CLSTN2: variants seen among roughly 807,000 people sequenced by gnomAD.
The protein encoded by CLSTN2 is calsyntenin-2.
Under a neutral mutation model 101.2 loss-of-function variants are expected in CLSTN2, and 48 were observed. The observed-to-expected ratio is 0.47, with a 90% CI of 0.38 to 0.60. The LOEUF (loss-of-function observed/expected upper bound fraction) is 0.60. Ranked by LOEUF, CLSTN2 falls within the 20% of genes least tolerant of loss-of-function variation. CLSTN2 has a pLI of 0.00. For missense variants in CLSTN2, 1,160 were observed against 1,238.2 expected (o/e 0.94, Z 0.95); for synonymous variants, 481 against 463.6 (o/e 1.04, Z -0.48).
chr3:140,127,881 GT>G (rs1350957009), intron 1 of CLSTN2, among the ~76,000 whole-genome samples: 1 of 152,074 alleles, frequency 6.6e-6, no homozygotes, highest in Non-Finnish European at 1.5e-5. Context: ...GAATTCTTGT[GT>G]TTCATACCAA....
chr3:140,205,178 C>G (rs1421587935), intron 2 of CLSTN2, among the ~76,000 whole-genome samples: 2 of 152,200 alleles, frequency 1.3e-5, no homozygotes, highest in African/African-American at 4.8e-5. Flanking sequence ...AAAGATCACA[C>G]AGCATCCAAA....
intron 12 of CLSTN2, 108 bp from the exon 13 acceptor site, chr3:140,562,030 G>A: frequency 3.2e-6 from 3 of 949,688 alleles, no homozygotes; most frequent in Non-Finnish European, 3.2e-6. Flanking sequence ...CTCTGCTCCT[G>A]ACCCAGCCTT....
intron 1 of CLSTN2, among the ~76,000 whole-genome samples, chr3:140,169,723 G>A (rs1243625055): frequency 6.6e-6 from 1 of 151,932 alleles, no homozygotes; most frequent in African/African-American, 2.4e-5. Flanking sequence ...ATCTCAATAT[G>A]TATGTTTTCT....
At chr3:139,987,789 G>T (rs916778490) in intron 1 of CLSTN2, among the ~76,000 whole-genome samples, 3 of 152,150 alleles carry the variant, frequency 2.0e-5, no homozygotes, top group African/African-American at 7.2e-5. Context: ...TACACCCAGA[G>T]GGTGATAGAT....
At chr3:139,999,852 T>C (rs1027001784) in intron 1 of CLSTN2, among the ~76,000 whole-genome samples, 1 of 152,044 alleles carries the variant, frequency 6.6e-6, no homozygotes, top group South Asian at 2.1e-4. Context: ...CTACTCAGGA[T>C]GCTGAGGTGG....
At chr3:140,174,470 GTCACT>G (rs2010290221) in intron 1 of CLSTN2, among the ~76,000 whole-genome samples, 1 of 152,122 alleles carries the variant, frequency 6.6e-6, no homozygotes, top group South Asian at 2.1e-4. Flanking sequence ...CAATTCCAAA[GTCACT>G]TCCACATTTT....
chr3:140,451,270 T>A (rs543655808), intron 6 of CLSTN2, among the ~76,000 whole-genome samples: 1 of 152,030 alleles, frequency 6.6e-6, no homozygotes, highest in South Asian at 2.1e-4. Flanking sequence ...AGATATGGAG[T>A]GTAATAAGGA....
intron 8 of CLSTN2, among the ~76,000 whole-genome samples, chr3:140,480,958 C>T (rs935687362): frequency 4.6e-5 from 7 of 152,112 alleles, no homozygotes; most frequent in Non-Finnish European, 7.4e-5. Flanking sequence ...TAATTAGATC[C>T]CATTTGTCAA....
rs569162537 is a variant in CLSTN2 at position 140,505,026 on chromosome 3, A to G, written c.1345-27298A>G. The stretch of plus-strand genomic sequence containing the variant: ...CAACTGTTCTTCAAATATTTCTACA[A>G]ATTCCCCCAAACTTAACAGACTGAC... On this transcript the variant is annotated intron_variant, in intron 8 of 16. Coordinates refer to ENST00000458420, the MANE Select transcript of CLSTN2 (RefSeq NM_022131.3). 7.2e-5 allele frequency among the ~76,000 whole-genome samples: 11 copies of G among 152,272 alleles called. No homozygotes were observed. The East Asian group carries it at 2.1e-3, about 29-fold the overall frequency.
chr3:140,106,840 A>C (rs1270293336), intron 1 of CLSTN2, among the ~76,000 whole-genome samples: 1 of 152,244 alleles, frequency 6.6e-6, no homozygotes, highest in African/African-American at 2.4e-5. Flanking sequence ...ATTATATCTT[A>C]CATTTAACAA....
At position 140,532,316 on chromosome 3, in the gene CLSTN2, T is replaced by G; in HGVS notation, c.1345-8T>G. The G allele has an allele frequency of 6.3e-7, 1 of 1,588,868 alleles. No individual in the cohort carries two copies. Among genetic ancestry groups the G allele is most frequent in the Non-Finnish European group, 8.6e-7 (1 of 1,164,942 alleles). On this transcript the variant is annotated splice_polypyrimidine_tract_variant and splice_region_variant and intron_variant, in intron 8 of 16. Transcript: ENST00000458420. ...ATTTTAAATGTTGCTTCTCTTTCCT[T>G]TTCTTAGATTTGTGACAAAGAGTGG...
At chr3:139,967,145 C>G (rs1306167732) in intron 1 of CLSTN2, among the ~76,000 whole-genome samples, 2 of 152,198 alleles carry the variant, frequency 1.3e-5, no homozygotes, top group East Asian at 3.9e-4. Flanking sequence ...CTGTCCATGG[C>G]AGAAGTCATG....
chr3:140,095,914 G>A (rs570952105), intron 1 of CLSTN2, among the ~76,000 whole-genome samples: 33 of 152,314 alleles, frequency 2.2e-4, no homozygotes, highest in South Asian at 2.1e-4. Flanking sequence ...TGAGTGGGTA[G>A]CTGTTTGTTT....
chr3:140,502,945 A>T (rs1559887994), intron 8 of CLSTN2, among the ~76,000 whole-genome samples: 1 of 152,212 alleles, frequency 6.6e-6, no homozygotes, highest in African/African-American at 2.4e-5. Flanking sequence ...TCCGGGGCTA[A>T]AATCAATCAA....
At chr3:140,279,826 G>C (rs2086828212) in intron 2 of CLSTN2, among the ~76,000 whole-genome samples, 2 of 152,222 alleles carry the variant, frequency 1.3e-5, no homozygotes, top group African/African-American at 4.8e-5. Context: ...ATGATGATCA[G>C]GGAGAATTAG....
chr3:140,355,922 T>C (rs902613520), intron 2 of CLSTN2, among the ~76,000 whole-genome samples: 2 of 152,236 alleles, frequency 1.3e-5, no homozygotes, highest in South Asian at 4.1e-4. Context: ...TAAGCTTTTG[T>C]GTTTGAATAA....
intron 2 of CLSTN2, among the ~76,000 whole-genome samples, chr3:140,375,175 G>A (rs906809292): frequency 6.6e-6 from 1 of 152,188 alleles, no homozygotes; most frequent in African/African-American, 2.4e-5. Flanking sequence ...GTAGTTGAGA[G>A]GACCAGATGA....
At chr3:139,974,163 A>C (rs1372673151) in intron 1 of CLSTN2, among the ~76,000 whole-genome samples, 1 of 152,200 alleles carries the variant, frequency 6.6e-6, no homozygotes, top group Non-Finnish European at 1.5e-5. Context: ...AAGTGCTTGT[A>C]AGCCTGAGAG....
rs115237198 is a variant in CLSTN2, at chr3:140,538,576, G to A, written c.1507+6090G>A. On this transcript the variant is annotated intron_variant, in intron 9 of 16. Transcript: ENST00000458420. ...CATGTGGTCCTGAGATCATGTGGTT[G>A]CACATTTTCAGGTCATTTTCTTCTG... Among the ~76,000 whole-genome samples, 1,141 of 152,328 alleles carry A rather than the reference G, an allele frequency of 7.5e-3. 10 individuals carry two copies. Among genetic ancestry groups the A allele is most frequent in the African/African-American group, 0.026 (1,071 of 41,568 alleles).
Sources: gnomAD v4.1 joint callset for allele counts (sites outside exome capture counted in the v4.1 genomes callset) on GRCh38, gnomAD v4.1.1 for gene constraint, MANE v1.5 for transcripts, NCBI Gene and HGNC (gene_info 2026-07-23, HGNC 2026-07-21) for gene names.